Variants in DNM3 observed in about 807,000 individuals in gnomAD.
DNM3 encodes the protein dynamin-3.
Under a neutral mutation model 101.6 loss-of-function variants are expected in DNM3, and 47 were observed. The ratio of observed to expected loss-of-function variants is 0.46; its 90% confidence interval spans 0.37 to 0.59. The LOEUF is 0.59. Among genes scored for constraint, DNM3 ranks in the 20% least tolerant of loss-of-function variants. The pLI, the probability that DNM3 is intolerant of heterozygous loss-of-function variation, is 0.00. For synonymous variants in DNM3, 385 were observed against 387.9 expected (o/e 0.99, Z 0.09); for missense variants, 849 against 1,085.7 (o/e 0.78, Z 3.06).
chr1:172,251,093 A>G (rs955746527), intron 14 of DNM3, among the ~76,000 whole-genome samples: 3 of 152,150 alleles, frequency 2.0e-5, no homozygotes, highest in African/African-American at 4.8e-5. Context: ...CAGTTGAGCT[A>G]CATTTCAAGT....
intron 14 of DNM3, among the ~76,000 whole-genome samples, chr1:172,228,764 TATA>T: frequency 6.6e-6 from 1 of 152,276 alleles, no homozygotes; most frequent in South Asian, 2.1e-4. Context: ...AGAATAATTT[TATA>T]AATGTATTCA....
chr1:171,989,152 AGT>A lies in DNM3; in HGVS notation c.589+10_589+11del. 2 of 1,611,960 alleles carry A rather than the reference AGT, an allele frequency of 1.2e-6. No individual in the cohort carries two copies. The highest frequency in any genetic ancestry group is 1.7e-6 in the Non-Finnish European group (2 of 1,178,788). Reference sequence around the variant, plus strand: ...GCTAAAGAAGTTGATCCTCAAGGTGAGTGTGTGACTACTAAGATGAGAAGGAA... The same window carrying A: ...GCTAAAGAAGTTGATCCTCAAGGTGAGTGTGACTACTAAGATGAGAAGGAA... On this transcript the variant is annotated splice_donor_5th_base_variant and intron_variant, in intron 4 of 20. Transcript: ENST00000627582.
At chr1:171,954,031 A>G (rs1289271261) in intron 2 of DNM3, among the ~76,000 whole-genome samples, 1 of 152,184 alleles carries the variant, frequency 6.6e-6, no homozygotes, top group African/African-American at 2.4e-5. Context: ...AACCTAGCAC[A>G]TAACTCAGAG....
At chr1:171,980,636 C>A (rs192184104) in intron 2 of DNM3, among the ~76,000 whole-genome samples, 72 of 152,238 alleles carry the variant, frequency 4.7e-4, no homozygotes, top group African/African-American at 1.6e-3. Flanking sequence ...TCTCTAGTAA[C>A]CACTATTCTA....
intron 14 of DNM3, among the ~76,000 whole-genome samples, chr1:172,236,282 C>T (rs2061542577): frequency 6.6e-6 from 1 of 152,094 alleles, no homozygotes; most frequent in African/African-American, 2.4e-5. Flanking sequence ...TGCCATGTCT[C>T]ATGTCAAGGA....
chr1:171,905,696 A>T (rs966174422), intron 1 of DNM3, among the ~76,000 whole-genome samples: 1 of 152,224 alleles, frequency 6.6e-6, no homozygotes, highest in Non-Finnish European at 1.5e-5. Context: ...GGTGGTTAAA[A>T]GGAGACAACT....
intron 17 of DNM3, among the ~76,000 whole-genome samples, chr1:172,369,051 C>G (rs558582312): frequency 6.6e-6 from 1 of 151,882 alleles, no homozygotes; most frequent in Non-Finnish European, 1.5e-5. Flanking sequence ...TCTACCAAAC[C>G]TTAAAAGAAG....
chr1:171,913,797 A>AT (rs903408316), intron 1 of DNM3, among the ~76,000 whole-genome samples: 14 of 148,884 alleles, frequency 9.4e-5, no homozygotes, highest in East Asian at 3.9e-4. Flanking sequence ...TGGTGCACAG[A>AT]TTTTTTTTTT....
chr1:172,175,918 G>A (rs1041354010), intron 14 of DNM3, among the ~76,000 whole-genome samples: 2 of 151,736 alleles, frequency 1.3e-5, no homozygotes, highest in African/African-American at 4.8e-5. Flanking sequence ...TGCTCCAGTG[G>A]TCTCTATACA....
intron 4 of DNM3, among the ~76,000 whole-genome samples, chr1:171,993,538 T>C (rs2045789059): frequency 6.7e-6 from 1 of 149,204 alleles, no homozygotes; most frequent in Admixed American, 6.7e-5. Context: ...TTGATTATGA[T>C]ATCTGTAGGT....
chr1:172,046,937 T>C (rs557386041), intron 9 of DNM3, among the ~76,000 whole-genome samples: 20 of 152,328 alleles, frequency 1.3e-4, no homozygotes, highest in African/African-American at 3.8e-4. Flanking sequence ...TTGTCAAATA[T>C]AACTGCAAAA....
chr1:172,231,032 TTC>T (rs2148606470), intron 14 of DNM3, among the ~76,000 whole-genome samples: 1 of 151,660 alleles, frequency 6.6e-6, no homozygotes, highest in East Asian at 2.0e-4. Context: ...CCTAGATGAG[TTC>T]ATCTCATTTA....
At chr1:172,213,463 T>C (rs943082277) in intron 14 of DNM3, among the ~76,000 whole-genome samples, 3 of 142,972 alleles carry the variant, frequency 2.1e-5, no homozygotes, top group Non-Finnish European at 3.0e-5. Context: ...TATTTCTGGA[T>C]ATTTCAACAA....
intron 1 of DNM3, among the ~76,000 whole-genome samples, chr1:171,858,020 T>G (rs1403551025): frequency 6.6e-6 from 1 of 152,292 alleles, no homozygotes; most frequent in East Asian, 1.9e-4. Flanking sequence ...CTGAACCAGC[T>G]GAATCTTAAT....
chr1:171,985,731 C>A (rs2045204042), intron 2 of DNM3, among the ~76,000 whole-genome samples: 1 of 152,194 alleles, frequency 6.6e-6, no homozygotes, highest in Non-Finnish European at 1.5e-5. Context: ...TAGGTCATTT[C>A]AATTCTTTGG....
intron 20 of DNM3, among the ~76,000 whole-genome samples, chr1:172,396,206 G>A (rs2149099412): frequency 6.6e-6 from 1 of 152,328 alleles, no homozygotes; most frequent in South Asian, 2.1e-4. Context: ...ATCAGCTCAT[G>A]TGAATCATAG....
At chr1:172,378,911 A>T (rs2068749082) in intron 17 of DNM3, 107 bp from the exon 18 acceptor site, 2 of 1,270,298 alleles carry the variant, frequency 1.6e-6, no homozygotes, top group Admixed American at 5.8e-5. Flanking sequence ...CTACTGATAT[A>T]AACTCCAACT....
intron 4 of DNM3, among the ~76,000 whole-genome samples, chr1:172,014,617 T>C (rs569670840): frequency 3.2e-4 from 49 of 152,310 alleles, no homozygotes; most frequent in African/African-American, 1.1e-3. Context: ...GCTGTTCAGG[T>C]ATTTTTCTCA....
intron 1 of DNM3, among the ~76,000 whole-genome samples, chr1:171,901,099 C>A (rs1407815269): frequency 4.7e-5 from 5 of 105,398 alleles, no homozygotes; most frequent in Non-Finnish European, 9.1e-5. Flanking sequence ...GGCGACAGAG[C>A]GAGACTCTGT....
Sources: gnomAD v4.1 joint callset for allele counts (sites outside exome capture counted in the v4.1 genomes callset) on GRCh38, gnomAD v4.1.1 for gene constraint, MANE v1.5 for transcripts, NCBI Gene and HGNC (gene_info 2026-07-23, HGNC 2026-07-21) for gene names.